Variants in FSIP2 observed in about 807,000 individuals in gnomAD.
FSIP2 encodes the protein fibrous sheath-interacting protein 2.
Under a neutral mutation model 510.5 loss-of-function variants are expected in FSIP2, and 367 were observed. The ratio of observed to expected loss-of-function variants is 0.72; its 90% CI spans 0.66 to 0.78. FSIP2 has a LOEUF of 0.78. Ranked by LOEUF, FSIP2 falls within the 30% of genes least tolerant of loss-of-function variation. The pLI is 0.00. For synonymous variants in FSIP2, 2,601 were observed against 2,732.2 expected (o/e 0.95, Z 1.50); for missense variants, 7,594 against 7,901.7 (o/e 0.96, Z 1.48).
chr2:185,813,765 T>C lies in FSIP2; in HGVS notation c.20048T>C (p.Phe6683Ser). 1.9e-6 allele frequency: 3 copies of C among 1,613,182 alleles called. No individual in the cohort carries two copies. The highest frequency in any genetic ancestry group is 2.5e-6 in the Non-Finnish European group (3 of 1,179,640). Residue 6683 changes from phenylalanine (F) to serine (S), a missense_variant, in exon 18 of 23, where the codon TTT becomes TCT. By Grantham distance (155) the Phe-to-Ser change is radical. Coordinates refer to ENST00000424728, the MANE Select transcript of FSIP2 (RefSeq NM_173651.4). ...GCAAAAGAAGAAGGCATCAAAGTAT[T>C]TGAAGATCAAGTGAAAGAAGTCAAG... The part of the protein sequence containing the change: ...TFAKEEGIKV[F>S]EDQVKEVKKP...
intron 19 of FSIP2, among the ~76,000 whole-genome samples, chr2:185,823,185 C>CA (rs1411943313): frequency 6.6e-6 from 1 of 151,716 alleles, no homozygotes; most frequent in Non-Finnish European, 1.5e-5. Context: ...TACCAAAGCA[C>CA]AAGCAAGAAA....
chr2:185,757,340 C>T (rs2105550498), intron 9 of FSIP2, among the ~76,000 whole-genome samples: 1 of 151,436 alleles, frequency 6.6e-6, no homozygotes, highest in East Asian at 2.0e-4. Context: ...TGACAATTGT[C>T]TGGAGAACAG....
At chr2:185,787,424 T>G (rs1185589709) in intron 15 of FSIP2, among the ~76,000 whole-genome samples, 1 of 151,752 alleles carries the variant, frequency 6.6e-6, no homozygotes, top group Non-Finnish European at 1.5e-5. Context: ...AATGTTTCTC[T>G]GAAATATGGA....
intron 22 of FSIP2, among the ~76,000 whole-genome samples, chr2:185,832,790 T>TTCTACTTTC (rs1177478763): frequency 1.3e-5 from 2 of 151,956 alleles, no homozygotes; most frequent in Admixed American, 1.3e-4. Context: ...TTTAATGTAC[T>TTCTACTTTC]TCTACTTTCT....
intron 9 of FSIP2, among the ~76,000 whole-genome samples, chr2:185,760,155 ATATCT>A (rs1181314271): frequency 1.4e-5 from 2 of 147,266 alleles, no homozygotes; most frequent in African/African-American, 5.0e-5. Context: ...TACTTACTAA[ATATCT>A]TAATTAGCCA....
chr2:185,763,082 G>A (rs1692388115), intron 11 of FSIP2, 101 bp from the exon 12 acceptor site: 1 of 624,690 alleles, frequency 1.6e-6, no homozygotes, highest in Non-Finnish European at 2.9e-6. Context: ...CACTGTGGCA[G>A]CTGAGCAGGG....
intron 13 of FSIP2, among the ~76,000 whole-genome samples, chr2:185,778,368 T>G (rs1005477258): frequency 6.6e-5 from 10 of 152,028 alleles, no homozygotes; most frequent in Admixed American, 5.9e-4. Context: ...TTTGAAACTT[T>G]TTAGAACAGT....
intron 10 of FSIP2, 134 bp downstream of exon 10, chr2:185,761,237 A>G: frequency 2.5e-6 from 1 of 404,808 alleles, no homozygotes; most frequent in Non-Finnish European, 4.4e-6. Context: ...ATGAAACATG[A>G]TCCATTTTCC....
At chr2:185,761,879 T>C in intron 10 of FSIP2, 93 bp from the exon 11 acceptor site, 1 of 640,886 alleles carries the variant, frequency 1.6e-6, no homozygotes, top group Middle Eastern at 2.6e-4. Flanking sequence ...AGGGAAAACA[T>C]CTGTATTCAT....
At chr2:185,829,328 A>G (rs1250661401) in intron 21 of FSIP2, among the ~76,000 whole-genome samples, 1 of 151,922 alleles carries the variant, frequency 6.6e-6, no homozygotes, top group East Asian at 1.9e-4. Context: ...GTGGGTAACT[A>G]CTGAGGATTC....
Position 185,802,423 on chromosome 2 carries a change from C to T in FSIP2, c.13117C>T (p.Leu4373Phe). 3.3e-6 allele frequency: 5 copies of T among 1,533,870 alleles called. No homozygotes were observed. Among genetic ancestry groups the T allele is most frequent in the Middle Eastern group, 1.7e-4 (1 of 5,978 alleles). ...FSFNTDIVDELATSVYRNALK... is the reference protein window; with the variant it reads ...FSFNTDIVDEFATSVYRNALK... Reference sequence around the variant, plus strand: ...TTTCAATACAGATATTGTGGATGAACTTGCCACCTCAGTTTATAGAAATGC... The same window carrying T: ...TTTCAATACAGATATTGTGGATGAATTTGCCACCTCAGTTTATAGAAATGC... The change falls in exon 17 of 23, where the codon CTT (leucine) becomes TTT (phenylalanine). Residue 4373 changes from leucine to phenylalanine, a missense_variant. By Grantham distance (22) the Leu-to-Phe change is conservative. Transcript: ENST00000424728.
chr2:185,739,583 A>G (rs1204865648), intron 2 of FSIP2, 112 bp downstream of exon 2: 1 of 1,026,584 alleles, frequency 9.7e-7, no homozygotes, highest in Non-Finnish European at 1.3e-6. Context: ...CATTTACAGG[A>G]AAAAGAAAAT....
At chr2:185,747,885 A>AC (rs1005690705) in intron 7 of FSIP2, among the ~76,000 whole-genome samples, 1 of 151,752 alleles carries the variant, frequency 6.6e-6, no homozygotes, top group Non-Finnish European at 1.5e-5. Context: ...ATACACATAC[A>AC]CCCCCCAACA....
At position 185,803,336 on chromosome 2, in the gene FSIP2, T is replaced by C. The variant is rs1033770545; in HGVS notation, c.14030T>C (p.Ile4677Thr). The change falls in exon 17 of 23, where the codon ATA becomes ACA. Residue 4677 changes from isoleucine to threonine, a missense_variant. By Grantham distance (89) the Ile-to-Thr change is moderately conservative (BLOSUM62 -1). Transcript: ENST00000424728. ...GEFSKAQVSI[I>T]DNTEERLCLP... ...TTCTCAAAAGCCCAAGTTAGCATTATAGATAATACTGAGGAAAGACTGTGT... is the reference window on the plus strand; with the variant it reads ...TTCTCAAAAGCCCAAGTTAGCATTACAGATAATACTGAGGAAAGACTGTGT... The C allele has an allele frequency of 1.3e-6, 2 of 1,532,032 alleles. No individual in the cohort carries two copies. Among genetic ancestry groups the C allele is most frequent in the African/African-American group, 1.4e-5 (1 of 72,886 alleles). 94.9% of individuals were successfully genotyped at this position (1,532,032 alleles called of 1,614,324 possible).
rs1055454673 is a variant in FSIP2, at chr2:185,793,124, G to T, written c.5988G>T (p.Leu1996Phe). ...AGACCAACTTGTGCCAACTGTCTTT[G>T]TCTAAATTAAATACTTATGCACTAC... ...SGKTNLCQLS[L>F]SKLNTYALQV... The change falls in exon 16 of 23, where the codon TTG (leucine) becomes TTT (phenylalanine). Residue 1996 changes from leucine to phenylalanine, a missense_variant. Transcript: ENST00000424728. The T allele has an allele frequency of 2.6e-6, 4 of 1,534,208 alleles. No individual in the cohort carries two copies. Among genetic ancestry groups the T allele is most frequent in the Non-Finnish European group, 1.7e-6 (2 of 1,145,678 alleles).
In FSIP2 at chr2:185,774,817, T is replaced by C. The variant is rs1369587993; in HGVS notation, c.1412-7888T>C. On this transcript the variant is annotated intron_variant, in intron 13 of 22. Coordinates refer to ENST00000424728, the MANE Select transcript of FSIP2 (RefSeq NM_173651.4). Reference sequence around the variant, plus strand: ...TCATTGTTCAATTCCCACCTATGAGTGAGAATATGCAGTGTTTGGTTTTTT... The same window carrying C: ...TCATTGTTCAATTCCCACCTATGAGCGAGAATATGCAGTGTTTGGTTTTTT... 3.9e-4 allele frequency among the ~76,000 whole-genome samples: 35 copies of C among 90,472 alleles called. 4 individuals carry two copies. The highest frequency in any genetic ancestry group is 8.8e-4 in the Admixed American group (8 of 9,120). The allele number at this position is 90,472 out of a possible 152,430, so 59.4% of individuals were successfully genotyped here.
chr2:185,828,765 A>G (rs1694058562), intron 21 of FSIP2, among the ~76,000 whole-genome samples: 1 of 151,862 alleles, frequency 6.6e-6, no homozygotes, highest in Non-Finnish European at 1.5e-5. Context: ...GTTTCCAATG[A>G]GAAATGAAGC....
chr2:185,799,964 T>C lies in FSIP2; in HGVS notation c.10658T>C (p.Ile3553Thr), dbSNP rs767882307. 2.4e-5 allele frequency: 36 copies of C among 1,528,950 alleles called. No individual in the cohort carries two copies. In the Middle Eastern group the frequency reaches 1.0e-3, roughly 43 times the overall value. The allele number at this position is 1,528,950 out of a possible 1,614,324, so 94.7% of individuals were successfully genotyped here. Residue 3553 changes from isoleucine (I) to threonine (T), a missense_variant, in exon 17 of 23, where the codon ATT (isoleucine) becomes ACT (threonine). Transcript: ENST00000424728. Reference sequence around the variant, plus strand: ...GTGTTTGAGAGCAGGTCAATTTCCATTGGAGAACTTGCTTTATGTATTTCT... The same window carrying C: ...GTGTTTGAGAGCAGGTCAATTTCCACTGGAGAACTTGCTTTATGTATTTCT... ...SQVFESRSIS[I>T]GELALCISEI...
intron 18 of FSIP2, 42 bp downstream of exon 18, chr2:185,814,084 C>G (rs1693790041): frequency 6.4e-7 from 1 of 1,552,522 alleles, no homozygotes; most frequent in South Asian, 1.2e-5. Flanking sequence ...AAAGGGGAGA[C>G]ATCTTCACAA....
Sources: gnomAD v4.1 joint callset for allele counts (sites outside exome capture counted in the v4.1 genomes callset) on GRCh38, gnomAD v4.1.1 for gene constraint, MANE v1.5 for transcripts, NCBI Gene and HGNC (gene_info 2026-07-23, HGNC 2026-07-21) for gene names.